TMEM150B: variants seen among roughly 807,000 people sequenced by gnomAD.
TMEM150B encodes transmembrane protein 150B, also known as modulator of macroautophagy TMEM150B.
A neutral mutation model predicts 25.2 loss-of-function variants in TMEM150B; 33 were observed. The observed-to-expected ratio is 1.31, with a 90% CI of 0.99 to 1.75. The LOEUF (loss-of-function observed/expected upper bound fraction) is 1.75. TMEM150B is among the 40% of genes most tolerant of loss of function. TMEM150B has a pLI of 0.00. For synonymous variants in TMEM150B, 133 were observed against 134.8 expected (o/e 0.99, Z 0.09); for missense variants, 322 against 306.1 (o/e 1.05, Z -0.39).
chr19:55,318,027 GA>G (rs1411989450), intron 6 of TMEM150B, among the ~76,000 whole-genome samples: 2 of 152,002 alleles, frequency 1.3e-5, no homozygotes, highest in African/African-American at 4.8e-5. Context: ...GAACCAGGGG[GA>G]AATGTCTAAA....
chr19:55,313,804 A>T (rs548010505), intron 7 of TMEM150B, among the ~76,000 whole-genome samples: 2 of 107,566 alleles, frequency 1.9e-5, no homozygotes, highest in Admixed American at 1.8e-4. Context: ...GCCCCTGCAG[A>T]CTCCAGGCCT....
intron 7 of TMEM150B, among the ~76,000 whole-genome samples, chr19:55,315,010 T>C (rs2088948680): frequency 1.3e-5 from 2 of 152,122 alleles, no homozygotes; most frequent in African/African-American, 4.8e-5. Context: ...CTCTACACTC[T>C]ACCTATCAGA....
intron 6 of TMEM150B, among the ~76,000 whole-genome samples, chr19:55,319,189 G>A (rs945970014): frequency 6.6e-6 from 1 of 152,098 alleles, no homozygotes; most frequent in Non-Finnish European, 1.5e-5. Context: ...TCGGCTCAAT[G>A]CAACCTCTGC....
At chr19:55,320,209 A>C (rs897795) in intron 5 of TMEM150B, 43 bp from the exon 6 acceptor site, 612,620 of 1,601,840 alleles carry the variant, frequency 0.38, 120,450 homozygotes, top group South Asian at 0.48. Context: ...AGACCCACCA[A>C]GAACTCCTGG....
chr19:55,322,622 CT>C, intron 2 of TMEM150B, 25 bp downstream of exon 2: 10 of 980,728 alleles, frequency 1.0e-5, no homozygotes, highest in Non-Finnish European at 1.2e-5. Flanking sequence ...ACCTCCCAGC[CT>C]CCAGGGCCTC....
At chr19:55,320,523 G>T in intron 4 of TMEM150B, 35 bp downstream of exon 4, 1 of 1,612,820 alleles carries the variant, frequency 6.2e-7, no homozygotes, top group Non-Finnish European at 8.5e-7. Flanking sequence ...CTGCAGCGGC[G>T]ATCCCCCCAA....
At chr19:55,312,448 G>A (rs1450799353), downstream of TMEM150B, 20 of 128,752 alleles carry the variant, frequency 1.6e-4, no homozygotes, top group East Asian at 3.2e-3. Flanking sequence ...CTCCCCCCAC[G>A]ACCTTCTGTA....
At chr19:55,323,790 A>C (rs1326598700) in intron 1 of TMEM150B, among the ~76,000 whole-genome samples, 4 of 138,686 alleles carry the variant, frequency 2.9e-5, no homozygotes, top group African/African-American at 1.1e-4. Flanking sequence ...GGCGTGAGAC[A>C]CTGCGCCCAA....
At chr19:55,311,883 C>G (rs1348892591), downstream of TMEM150B, 1 of 1,608,538 alleles carries the variant, frequency 6.2e-7, no homozygotes, top group African/African-American at 1.3e-5. Flanking sequence ...GCTGCGGAAC[C>G]CACGAAAAAC....
chr19:55,311,784 G>T, downstream of TMEM150B: 7 of 970,166 alleles, frequency 7.2e-6, no homozygotes, highest in Non-Finnish European at 1.1e-5. Flanking sequence ...GGCCTTATCA[G>T]GGATTGGAGC....
chr19:55,317,043 C>A (rs2089028968), intron 6 of TMEM150B, 77 bp from the exon 7 acceptor site: 1 of 1,393,038 alleles, frequency 7.2e-7, no homozygotes, highest in Non-Finnish European at 9.7e-7. Flanking sequence ...CAGGGCCCTT[C>A]ACCAATGCAG....
In TMEM150B at chr19:55,320,175, A is replaced by G; in HGVS notation, c.197-9T>C. Reference sequence around the variant, plus strand: ...AATGCAGATCCACGCGGCTGGGAGTAGAGGGGAGAAGGAAGTGGGAGGGAG... The same window carrying G: ...AATGCAGATCCACGCGGCTGGGAGTGGAGGGGAGAAGGAAGTGGGAGGGAG... On this transcript the variant is annotated splice_polypyrimidine_tract_variant and intron_variant, in intron 5 of 7. Transcript: ENST00000326652. The G allele has an allele frequency of 6.2e-7, 1 of 1,613,234 alleles. No homozygotes were observed. Among genetic ancestry groups the G allele is most frequent in the South Asian group, 1.1e-5 (1 of 90,998 alleles).
chr19:55,311,644 C>A (rs2123016458), downstream of TMEM150B, among the ~76,000 whole-genome samples: 1 of 152,304 alleles, frequency 6.6e-6, no homozygotes, highest in South Asian at 2.1e-4. Flanking sequence ...GGCCCAGGCC[C>A]CCTTGGACTA....
At chr19:55,309,764 G>A (rs545238220), downstream of TMEM150B, among the ~76,000 whole-genome samples, 2 of 152,204 alleles carry the variant, frequency 1.3e-5, no homozygotes, top group Admixed American at 6.6e-5. Flanking sequence ...AGGGGCACTC[G>A]CCCAAGCAAC....
Position 55,320,182 on chromosome 19 carries a change from AGAAG to A in TMEM150B, c.197-20_197-17del. 6.2e-7 allele frequency: 1 copy of A among 1,612,460 alleles called. No homozygotes were observed. Among genetic ancestry groups the A allele is most frequent in the Non-Finnish European group, 8.5e-7 (1 of 1,178,988 alleles). The stretch of plus-strand genomic sequence containing the variant: ...ATCCACGCGGCTGGGAGTAGAGGGG[AGAAG>A]GAAGTGGGAGGGAGACCCACCAAGA... On this transcript the variant is annotated splice_polypyrimidine_tract_variant and intron_variant, in intron 5 of 7. Coordinates refer to ENST00000326652, the MANE Select transcript of TMEM150B (RefSeq NM_001282011.2).
chr19:55,314,718 C>A (rs2088939540), intron 7 of TMEM150B, among the ~76,000 whole-genome samples: 1 of 152,150 alleles, frequency 6.6e-6, no homozygotes, highest in Non-Finnish European at 1.5e-5. Context: ...AGGGCCCCTG[C>A]AAAGGAGACC....
At chr19:55,309,585 G>T (rs1224213608), downstream of TMEM150B, among the ~76,000 whole-genome samples, 1 of 152,178 alleles carries the variant, frequency 6.6e-6, no homozygotes, top group Non-Finnish European at 1.5e-5. Flanking sequence ...CATGGCAGAA[G>T]GGGCAAGGGA....
In TMEM150B at chr19:55,313,619, G is replaced by A. The variant is rs142160368; in HGVS notation, c.506-564C>T. On this transcript the variant is annotated intron_variant, in intron 7 of 7. Transcript: ENST00000326652. ...CATGTGCCCCAGCAGACACTCCCCCGGCCCTCTCTTCATCCTTCTTGGCCA... is the reference window on the plus strand; with the variant it reads ...CATGTGCCCCAGCAGACACTCCCCCAGCCCTCTCTTCATCCTTCTTGGCCA... Among the ~76,000 whole-genome samples, 1,226 of 151,920 alleles carry A rather than the reference G, an allele frequency of 8.1e-3. 10 individuals carry two copies. The highest frequency in any genetic ancestry group is 0.02 in the Middle Eastern group (6 of 294).
At chr19:55,310,728 G>A (rs1037767268), downstream of TMEM150B, among the ~76,000 whole-genome samples, 2 of 152,146 alleles carry the variant, frequency 1.3e-5, no homozygotes, top group African/African-American at 4.8e-5. This position sits in a 1 kb window ranked among gnomAD's most constrained non-coding sequence, Gnocchi z 5.0. Flanking sequence ...CTGAGGTGCA[G>A]AAACCCTCTT....
Sources: gnomAD v4.1 joint callset for allele counts (sites outside exome capture counted in the v4.1 genomes callset) on GRCh38, gnomAD v4.1.1 for gene constraint, Gnocchi (gnomAD v3.1) non-coding constraint, MANE v1.5 for transcripts, NCBI Gene and HGNC (gene_info 2026-07-23, HGNC 2026-07-21) for gene names.